Variants in THAP8 observed in about 807,000 individuals in gnomAD.
THAP8 encodes the protein THAP domain-containing protein 8.
Under a neutral mutation model 25.0 loss-of-function variants are expected in THAP8, and 24 were observed. The ratio of observed to expected loss-of-function variants is 0.96; its 90% CI spans 0.69 to 1.35. The LOEUF is 1.35. Among genes scored for constraint, THAP8 ranks in the 40% most tolerant of loss-of-function variants. THAP8 has a pLI of 0.00. For missense variants in THAP8, 399 were observed against 368.8 expected (o/e 1.08, Z -0.67); for synonymous variants, 169 against 157.6 (o/e 1.07, Z -0.54).
chr19:36,051,015 G>A (rs1970041141), intron 1 of THAP8, among the ~76,000 whole-genome samples: 1 of 152,202 alleles, frequency 6.6e-6, no homozygotes, highest in Non-Finnish European at 1.5e-5. Context: ...TGGCTTGATT[G>A]AACTGATATT....
chr19:36,041,096 A>G (rs991445786), intron 1 of THAP8, among the ~76,000 whole-genome samples: 1 of 151,130 alleles, frequency 6.6e-6, no homozygotes, highest in African/African-American at 2.4e-5. Context: ...GGATCGCTTG[A>G]GCCCAGGAGT....
chr19:36,043,129 T>C (rs1354759133), intron 1 of THAP8, among the ~76,000 whole-genome samples: 1 of 152,108 alleles, frequency 6.6e-6, no homozygotes, highest in African/African-American at 2.4e-5. Flanking sequence ...GGTTTCACCA[T>C]GTTGGCCAGG....
intron 1 of THAP8, among the ~76,000 whole-genome samples, chr19:36,043,936 A>AGTG (rs141266871): frequency 0.036 from 5,430 of 152,212 alleles, 143 homozygotes; most frequent in East Asian, 0.11. Flanking sequence ...AAGCTTTCTC[A>AGTG]GTGGTTGTGG....
chr19:36,054,715 A>T, upstream of THAP8: 1 of 596,028 alleles, frequency 1.7e-6, no homozygotes, highest in Non-Finnish European at 3.0e-6. Flanking sequence ...CGCAGTCTGG[A>T]TGAAAGACCC....
At chr19:36,054,755 T>A (rs1599734658), upstream of THAP8, 3 of 624,026 alleles carry the variant, frequency 4.8e-6, no homozygotes, top group East Asian at 8.2e-5. Flanking sequence ...TCCAGTACAC[T>A]GGCTGTGGCC....
In THAP8 at chr19:36,046,540, G is replaced by C. The variant is rs1044587663; in HGVS notation, c.84-6404C>G. Among the ~76,000 whole-genome samples the C allele has an allele frequency of 2.6e-5, 4 of 152,258 alleles. No homozygotes were observed. The East Asian group carries it at 7.7e-4, about 29-fold the overall frequency. On this transcript the variant is annotated intron_variant, in intron 1 of 3. Coordinates refer to ENST00000292894, the MANE Select transcript of THAP8 (RefSeq NM_152658.3). Reference sequence around the variant, plus strand: ...GGTAGCTGGTGAAAGAGCACAGAAAGGCTGACTCAGAGAACAGCAGTGGCA... The same window carrying C: ...GGTAGCTGGTGAAAGAGCACAGAAACGCTGACTCAGAGAACAGCAGTGGCA...
chr19:36,054,340 G>T, upstream of THAP8: 1 of 1,191,914 alleles, frequency 8.4e-7, no homozygotes, highest in Non-Finnish European at 1.2e-6. Flanking sequence ...GTGGAGTCTC[G>T]TCACGTACCG....
intron 1 of THAP8, among the ~76,000 whole-genome samples, chr19:36,045,111 G>A (rs1038200248): frequency 3.3e-5 from 5 of 151,800 alleles, no homozygotes; most frequent in Admixed American, 2.6e-4. Context: ...TTTTTGAGAT[G>A]GAGTCTCGCT....
intron 1 of THAP8, among the ~76,000 whole-genome samples, chr19:36,052,209 T>C (rs1970076304): frequency 6.6e-6 from 1 of 152,092 alleles, no homozygotes; most frequent in African/African-American, 2.4e-5. Context: ...CACACCTAGC[T>C]AATTTTTGTA....
intron 3 of THAP8, among the ~76,000 whole-genome samples, chr19:36,036,272 CTTTTTTTT>C (rs35918803): frequency 4.5e-5 from 5 of 110,482 alleles, no homozygotes; most frequent in South Asian, 6.1e-4. Flanking sequence ...AAAGACCAGA[CTTTTTTTT>C]TTTTTTTTTT....
At position 36,039,369 on chromosome 19, in the gene THAP8, TG is replaced by T. The variant is rs552924745; in HGVS notation, c.625del (p.His209ThrfsTer16). 2.5e-3 allele frequency: 3,895 copies of T among 1,536,244 alleles called. 15 individuals are homozygous for T. The highest frequency in any genetic ancestry group is 3.1e-3 in the Non-Finnish European group (3,548 of 1,145,916). ...TGCCCGTGCCAGCAGGCTCTCCCCGTGTAGCTGCTGTGCCAGCCGTTCCAGG... is the reference window on the plus strand; with the variant it reads ...TGCCCGTGCCAGCAGGCTCTCCCCGTTAGCTGCTGTGCCAGCCGTTCCAGG... ...QALERLAQQL[H>X]GESLLARARR... On this transcript the variant is annotated frameshift_variant, in exon 3 of 4. Coordinates refer to ENST00000292894, the MANE Select transcript of THAP8 (RefSeq NM_152658.3). LOFTEE classifies it high-confidence loss of function.
chr19:36,036,173 GC>G (rs1969434611), intron 3 of THAP8, among the ~76,000 whole-genome samples: 1 of 151,618 alleles, frequency 6.6e-6, no homozygotes, highest in South Asian at 2.1e-4. Context: ...AAACTTCAAG[GC>G]CCCAGAGGCA....
Position 36,035,629 on chromosome 19 carries a change from G to A in THAP8, c.673-37C>T, listed in dbSNP as rs370770721. The A allele has an allele frequency of 1.2e-4, 199 of 1,595,558 alleles. 1 individual carries two copies. The South Asian group carries it at 1.6e-3, about 13-fold the overall frequency. On this transcript the variant is annotated intron_variant, in intron 3 of 3. Coordinates refer to ENST00000292894, the MANE Select transcript of THAP8 (RefSeq NM_152658.3). ...AAGTGGTAGAGATGGGGAACATTAC[G>A]AAGCAAGTTGCGGGAGAGACAGACA...
At chr19:36,047,723 G>C (rs1969924514) in intron 1 of THAP8, among the ~76,000 whole-genome samples, 1 of 152,044 alleles carries the variant, frequency 6.6e-6, no homozygotes, top group African/African-American at 2.4e-5. Flanking sequence ...CCAGCTACTT[G>C]GGTGGCTGAG....
Position 36,039,987 on chromosome 19 carries a change from G to A in THAP8, c.233C>T (p.Pro78Leu). The A allele has an allele frequency of 6.2e-7, 1 of 1,613,554 alleles. No homozygotes were observed. Among genetic ancestry groups the A allele is most frequent in the Non-Finnish European group, 8.5e-7 (1 of 1,179,952 alleles). ...QWRWGVRYLR[P>L]DAVPSIFSRG... Reference sequence around the variant, plus strand: ...GGAGAAGATGGAGGGCACTGCATCAGGCCGCAGGTAGCGCACACCCCAGCG... The same window carrying A: ...GGAGAAGATGGAGGGCACTGCATCAAGCCGCAGGTAGCGCACACCCCAGCG... The change falls in exon 2 of 4, where the codon CCT (proline) becomes CTT (leucine). Residue 78 changes from proline (P) to leucine (L), a missense_variant. Pro to Leu is a moderately conservative substitution (Grantham distance 98). Transcript: ENST00000292894.
chr19:36,047,825 C>CAAAAAAAAA (rs111270538), intron 1 of THAP8, among the ~76,000 whole-genome samples: 1 of 106,542 alleles, frequency 9.4e-6, no homozygotes. Context: ...ATGAGACTTT[C>CAAAAAAAAA]AAAAAAAAAA....
In THAP8 at chr19:36,035,402, TTCTA is replaced by T; in HGVS notation, c.*34_*37del. The T allele has an allele frequency of 6.3e-7, 1 of 1,593,046 alleles. No homozygotes were observed. On this transcript the variant is annotated 3_prime_UTR_variant, in exon 4 of 4. Coordinates refer to ENST00000292894, the MANE Select transcript of THAP8 (RefSeq NM_152658.3). ...CGTATAATGTCTTTCCTCCTCCATCTTCTATCTTTTGTCCCTCGACATTGTCTGT... is the reference window on the plus strand; with the variant it reads ...CGTATAATGTCTTTCCTCCTCCATCTTCTTTTGTCCCTCGACATTGTCTGT...
rs1221436534 is a variant in THAP8 at position 36,035,557 on chromosome 19, T to G, written c.708A>C (p.Gln236His). The G allele has an allele frequency of 2.3e-5, 37 of 1,613,824 alleles. No individual in the cohort carries two copies. Among genetic ancestry groups the G allele is most frequent in the Non-Finnish European group, 3.1e-5 (36 of 1,179,966 alleles). ...TAQTLGPEES[Q>H]TFTIICGGPD... ...GCCCTCCACAGATGATGGTGAAGGTTTGGGATTCCTCAGGTCCAAGGGTCT... is the reference window on the plus strand; with the variant it reads ...GCCCTCCACAGATGATGGTGAAGGTGTGGGATTCCTCAGGTCCAAGGGTCT... The change falls in exon 4 of 4, where the codon CAA (glutamine) becomes CAC (histidine). Residue 236 changes from glutamine (Q) to histidine (H), a missense_variant. Transcript: ENST00000292894.
chr19:36,049,375 AAGAG>A (rs897305199), intron 1 of THAP8, among the ~76,000 whole-genome samples: 4 of 151,990 alleles, frequency 2.6e-5, no homozygotes, highest in Non-Finnish European at 4.4e-5. Context: ...AAAAAAAAAA[AAGAG>A]AGAGTGAACT....
Sources: allele counts gnomAD v4.1 joint callset (sites outside exome capture counted in the v4.1 genomes callset), GRCh38; gene constraint gnomAD v4.1.1; transcripts MANE v1.5; gene names NCBI Gene and HGNC (gene_info 2026-07-23, HGNC 2026-07-21).